The following CLNK variants were observed in gnomAD, a reference collection of about 807,000 sequenced individuals.
CLNK encodes the protein cytokine-dependent hematopoietic cell linker.
In CLNK, 74 loss-of-function variants were observed where a neutral mutation model predicts 68.6. That is an observed-to-expected ratio of 1.08 (90% CI 0.89 to 1.31). The LOEUF is 1.31. Among genes scored for constraint, CLNK ranks in the 50% most tolerant of loss-of-function variants. CLNK has a pLI of 0.00. For missense variants in CLNK, 553 were observed against 515.3 expected (o/e 1.07, Z -0.71); for synonymous variants, 198 against 172.2 (o/e 1.15, Z -1.17).
At chr4:10,514,371 C>T (rs1431713971) in intron 15 of CLNK, among the ~76,000 whole-genome samples, 2 of 152,078 alleles carry the variant, frequency 1.3e-5, no homozygotes, top group South Asian at 2.1e-4. Context: ...TGGGTATATA[C>T]CCAGTAATGG....
chr4:10,608,921 T>C (rs560282290), intron 2 of CLNK, among the ~76,000 whole-genome samples: 1 of 152,318 alleles, frequency 6.6e-6, no homozygotes, highest in South Asian at 2.1e-4. Flanking sequence ...TGTGGTATCC[T>C]CACGTGGCCA....
the CLNK span, among the ~76,000 whole-genome samples, chr4:10,721,279 G>T: frequency 6.6e-6 from 1 of 152,120 alleles, no homozygotes; most frequent in South Asian, 2.1e-4. Flanking sequence ...TCGACTGCAT[G>T]CCCTGATGGT....
rs932911154 is a variant in CLNK at position 10,541,374 on chromosome 4, A to C, written c.491+648T>G. ...GGAGATATAGAGAGGAAAAAGATACAGTTTTTGGTTCAAGCTGCTTCCCTC... is the reference window on the plus strand; with the variant it reads ...GGAGATATAGAGAGGAAAAAGATACCGTTTTTGGTTCAAGCTGCTTCCCTC... On this transcript the variant is annotated intron_variant, in intron 10 of 18. Coordinates refer to ENST00000226951, the MANE Select transcript of CLNK (RefSeq NM_052964.4). 4.1e-4 allele frequency among the ~76,000 whole-genome samples: 63 copies of C among 152,198 alleles called. 1 individual carries two copies. The highest frequency in any genetic ancestry group is 1.4e-3 in the African/African-American group (58 of 41,538).
intron 11 of CLNK, among the ~76,000 whole-genome samples, chr4:10,532,514 G>A (rs1349470123): frequency 3.9e-5 from 6 of 152,186 alleles, no homozygotes; most frequent in African/African-American, 1.4e-4. Context: ...TGATAGAAAG[G>A]ACATGAATAA....
At chr4:10,630,432 G>T (rs746485570) in intron 2 of CLNK, among the ~76,000 whole-genome samples, 1 of 152,194 alleles carries the variant, frequency 6.6e-6, no homozygotes, top group East Asian at 1.9e-4. Flanking sequence ...TGTGTCTAAT[G>T]AGCCAGAAGC....
intron 13 of CLNK, among the ~76,000 whole-genome samples, chr4:10,527,327 A>G (rs2109054814): frequency 6.6e-6 from 1 of 152,328 alleles, no homozygotes; most frequent in South Asian, 2.1e-4. Context: ...CATAAACCCA[A>G]GTTAGGCCTC....
At chr4:10,604,711 T>TGTA (rs1470266542) in intron 2 of CLNK, among the ~76,000 whole-genome samples, 15 of 152,182 alleles carry the variant, frequency 9.9e-5, no homozygotes, top group Non-Finnish European at 1.8e-4. Flanking sequence ...AAATTTGAGC[T>TGTA]GTAACCCTTC....
chr4:10,523,760 C>T (rs1308572501), intron 14 of CLNK, among the ~76,000 whole-genome samples: 1 of 152,066 alleles, frequency 6.6e-6, no homozygotes, highest in South Asian at 2.1e-4. Flanking sequence ...CATGGTGGCT[C>T]ATGCCTGTAA....
chr4:10,701,849 A>T, the CLNK span, among the ~76,000 whole-genome samples: 1 of 152,360 alleles, frequency 6.6e-6, no homozygotes, highest in East Asian at 1.9e-4. Flanking sequence ...CATACTCTTA[A>T]GAGGAATCCC....
rs1368661563 is a variant in CLNK at position 10,514,457 on chromosome 4, A to G, written c.773-860T>C. ...TCAGAAATAACGCTGCATACCTACA[A>G]CTATCTGATCTTTGACAAACCTGAG... On this transcript the variant is annotated intron_variant, in intron 15 of 18. Coordinates refer to ENST00000226951, the MANE Select transcript of CLNK (RefSeq NM_052964.4). Among the ~76,000 whole-genome samples, 4 of 148,976 alleles carry G rather than the reference A, an allele frequency of 2.7e-5. No homozygotes were observed. The East Asian group carries it at 8.0e-4, about 30-fold the overall frequency.
chr4:10,611,112 G>T (rs1420301793), intron 2 of CLNK, among the ~76,000 whole-genome samples: 1 of 152,204 alleles, frequency 6.6e-6, no homozygotes, highest in African/African-American at 2.4e-5. Context: ...GAGGTCAGGA[G>T]ATCAAGACCA....
chr4:10,559,293 C>A (rs1420107764), intron 7 of CLNK, among the ~76,000 whole-genome samples: 1 of 152,178 alleles, frequency 6.6e-6, no homozygotes, highest in East Asian at 1.9e-4. Flanking sequence ...TACTCTTATC[C>A]TCTGTGGAAC....
intron 3 of CLNK, 150 bp from the exon 4 acceptor site, chr4:10,585,105 A>G: frequency 1.6e-6 from 1 of 630,736 alleles, no homozygotes. Context: ...CTGAAGTCAC[A>G]TATTATTCTA....
chr4:10,632,457 A>G (rs1722929399), intron 2 of CLNK, among the ~76,000 whole-genome samples: 2 of 152,268 alleles, frequency 1.3e-5, no homozygotes, highest in African/African-American at 4.8e-5. Context: ...TCCCACGCAT[A>G]TCAGACTATA....
intron 2 of CLNK, among the ~76,000 whole-genome samples, chr4:10,644,574 C>G (rs1279076117): frequency 6.6e-6 from 1 of 152,098 alleles, no homozygotes; most frequent in Non-Finnish European, 1.5e-5. Context: ...AGTAGAGGCT[C>G]AGGCAGAAGA....
intron 2 of CLNK, among the ~76,000 whole-genome samples, chr4:10,603,072 C>T (rs1721651261): frequency 6.6e-6 from 1 of 152,198 alleles, no homozygotes; most frequent in African/African-American, 2.4e-5. Flanking sequence ...GTGACTGGTG[C>T]AGTCTGACTA....
intron 2 of CLNK, among the ~76,000 whole-genome samples, chr4:10,638,552 A>G (rs557240121): frequency 1.3e-5 from 2 of 152,338 alleles, no homozygotes; most frequent in South Asian, 2.1e-4. Flanking sequence ...TGTGTGTGAC[A>G]GTGGTATATT....
intron 1 of CLNK, among the ~76,000 whole-genome samples, chr4:10,670,298 T>C (rs563712190): frequency 6.6e-6 from 1 of 152,370 alleles, no homozygotes; most frequent in South Asian, 2.1e-4. Flanking sequence ...TTAAATTACT[T>C]GATTACAGTC....
At chr4:10,613,172 G>C (rs12512756) in intron 2 of CLNK, among the ~76,000 whole-genome samples, 1 of 152,152 alleles carries the variant, frequency 6.6e-6, no homozygotes, top group Non-Finnish European at 1.5e-5. Context: ...GAATGAATCA[G>C]GAATGGGTAT....
Sources: gnomAD v4.1 joint callset for allele counts (sites outside exome capture counted in the v4.1 genomes callset) on GRCh38, gnomAD v4.1.1 for gene constraint, MANE v1.5 for transcripts, NCBI Gene and HGNC (gene_info 2026-07-23, HGNC 2026-07-21) for gene names.